The following MAST4 variants were observed in gnomAD, a reference collection of about 807,000 sequenced individuals.
MAST4 encodes the protein microtubule-associated serine/threonine-protein kinase 4.
Under a neutral mutation model 162.7 loss-of-function variants are expected in MAST4, and 89 were observed. The observed-to-expected ratio is 0.55, with a 90% CI of 0.46 to 0.65. The LOEUF is 0.65. MAST4 is among the 30% of genes least tolerant of loss of function. MAST4 has a pLI of 0.00. For missense variants in MAST4, 3,153 were observed against 3,374.0 expected, an observed-to-expected ratio of 0.93 and a Z score of 1.62; for synonymous variants, 1,479 against 1,361.1, an observed-to-expected ratio of 1.09 and a Z score of -1.91.
intron 1 of MAST4, among the ~76,000 whole-genome samples, chr5:66,672,839 G>A (rs1021325964): frequency 1.3e-5 from 2 of 152,162 alleles, no homozygotes. Context: ...ATTATATACA[G>A]TACATCATTT....
chr5:66,664,277 A>T (rs1300850973), intron 1 of MAST4, among the ~76,000 whole-genome samples: 1 of 151,844 alleles, frequency 6.6e-6, no homozygotes, highest in Non-Finnish European at 1.5e-5. Flanking sequence ...CTCTAATAAA[A>T]ATACAAAATT....
intron 3 of MAST4, among the ~76,000 whole-genome samples, chr5:66,813,596 A>G (rs1756577603): frequency 1.3e-5 from 2 of 152,244 alleles, no homozygotes; most frequent in Non-Finnish European, 2.9e-5. Flanking sequence ...AATATCTCTG[A>G]GTCTTGCAAC....
intron 1 of MAST4, among the ~76,000 whole-genome samples, chr5:66,698,496 A>G (rs1358884289): frequency 1.3e-5 from 2 of 151,064 alleles, no homozygotes; most frequent in Admixed American, 6.6e-5. Context: ...TGCCCAGTCT[A>G]TGGAGGTTGG....
intron 1 of MAST4, among the ~76,000 whole-genome samples, chr5:66,726,211 G>A (rs769855300): frequency 6.6e-6 from 1 of 152,112 alleles, no homozygotes; most frequent in Non-Finnish European, 1.5e-5. Context: ...AAGACTTGGA[G>A]GAGGTAGATA....
intron 3 of MAST4, among the ~76,000 whole-genome samples, chr5:66,826,639 G>T (rs563001742): frequency 2.6e-5 from 4 of 151,930 alleles, no homozygotes; most frequent in African/African-American, 9.7e-5. Flanking sequence ...CTCTGTAGTG[G>T]GAATTTGTTG....
intron 4 of MAST4, among the ~76,000 whole-genome samples, chr5:66,962,704 G>GAACAACAAC (rs112715329): frequency 1.3e-5 from 2 of 151,888 alleles, no homozygotes; most frequent in African/African-American, 4.8e-5. Context: ...GTCTCAAAAA[G>GAACAACAAC]AACAACAACA....
chr5:66,781,360 A>T (rs1480271512), intron 2 of MAST4, among the ~76,000 whole-genome samples: 1 of 152,232 alleles, frequency 6.6e-6, no homozygotes, highest in Non-Finnish European at 1.5e-5. Context: ...AGAGGCTATT[A>T]GCCAAAACCT....
chr5:66,635,956 T>G (rs1291583204), intron 1 of MAST4, among the ~76,000 whole-genome samples: 1 of 120,982 alleles, frequency 8.3e-6, no homozygotes, highest in South Asian at 2.9e-4. Context: ...GTTTTTTTTT[T>G]TTTTTTTTTT....
chr5:66,895,616 T>A (rs1762635112), intron 3 of MAST4, among the ~76,000 whole-genome samples: 1 of 152,196 alleles, frequency 6.6e-6, no homozygotes, highest in Non-Finnish European at 1.5e-5. Flanking sequence ...GTAAATCTTA[T>A]GAAAACATAC....
At chr5:67,142,689 C>T in intron 21 of MAST4, 156 bp downstream of exon 21, 1 of 603,178 alleles carries the variant, frequency 1.7e-6, no homozygotes, top group Non-Finnish European at 2.9e-6. Flanking sequence ...ACCTCCTCAA[C>T]TTATAGTCTG....
At chr5:67,103,780 C>T (rs1765291943) in intron 9 of MAST4, among the ~76,000 whole-genome samples, 1 of 152,186 alleles carries the variant, frequency 6.6e-6, no homozygotes. Flanking sequence ...ACTCTAGCAA[C>T]AACCTGATGT....
At chr5:66,608,064 T>G (rs1330524856) in intron 1 of MAST4, among the ~76,000 whole-genome samples, 2 of 131,886 alleles carry the variant, frequency 1.5e-5, no homozygotes, top group East Asian at 2.2e-4. Flanking sequence ...ACTTTTTTTT[T>G]TTGTTTTTTT....
At position 67,050,821 on chromosome 5, in the gene MAST4, T is replaced by C. The variant is rs72763042; in HGVS notation, c.675-3583T>C. Among the ~76,000 whole-genome samples the C allele has an allele frequency of 9.5e-3, 1,454 of 152,282 alleles. 9 individuals carry two copies. The highest frequency in any genetic ancestry group is 0.015 in the Non-Finnish European group (1,035 of 68,016). On this transcript the variant is annotated intron_variant, in intron 4 of 28. Transcript: ENST00000403625. ...CAACTCACCCACAGGAAAGTAAGTT[T>C]TTCCATGTGCTGCTTCAACTGGAGA...
intron 14 of MAST4, among the ~76,000 whole-genome samples, chr5:67,121,731 T>C (rs1178463958): frequency 6.6e-6 from 1 of 152,074 alleles, no homozygotes; most frequent in Non-Finnish European, 1.5e-5. Context: ...TTTACAAATT[T>C]GTGTTGGTCT....
At chr5:67,126,318 C>T (rs970880074) in intron 14 of MAST4, among the ~76,000 whole-genome samples, 2 of 152,022 alleles carry the variant, frequency 1.3e-5, no homozygotes, top group Non-Finnish European at 2.9e-5. Context: ...AAGTCTTTGC[C>T]CATGCCTATG....
chr5:66,745,934 G>A (rs1467595647), intron 1 of MAST4, among the ~76,000 whole-genome samples: 4 of 152,208 alleles, frequency 2.6e-5, no homozygotes, highest in Non-Finnish European at 5.9e-5. Context: ...ACACTTGATT[G>A]TAACAGTGAT....
intron 4 of MAST4, among the ~76,000 whole-genome samples, chr5:66,939,539 A>G (rs984091552): frequency 1.2e-4 from 19 of 152,136 alleles, no homozygotes; most frequent in Non-Finnish European, 2.6e-4. Flanking sequence ...CTTTTCTGAG[A>G]AATACCAATT....
At chr5:67,007,236 T>G (rs911673835) in intron 4 of MAST4, among the ~76,000 whole-genome samples, 2 of 152,180 alleles carry the variant, frequency 1.3e-5, no homozygotes, top group Admixed American at 1.3e-4. Context: ...GAGATGCCCC[T>G]TAACTGTTCT....
chr5:66,753,549 A>G (rs1753327702), intron 1 of MAST4, among the ~76,000 whole-genome samples: 2 of 151,840 alleles, frequency 1.3e-5, no homozygotes, highest in Admixed American at 1.3e-4. Context: ...TAGAAAATCT[A>G]GAAGAAATGG....
Sources: gnomAD v4.1 joint callset for allele counts (sites outside exome capture counted in the v4.1 genomes callset) on GRCh38, gnomAD v4.1.1 for gene constraint, MANE v1.5 for transcripts, NCBI Gene and HGNC (gene_info 2026-07-23, HGNC 2026-07-21) for gene names.